BABAM2: variants seen among roughly 807,000 people sequenced by gnomAD.
BABAM2 encodes the protein BRISC and BRCA1-A complex member 2.
BABAM2 carries 31 observed loss-of-function variants against 54.7 expected under a neutral mutation model. The observed-to-expected ratio is 0.57, with a 90% CI of 0.43 to 0.77. BABAM2 has a LOEUF of 0.77. Among genes scored for constraint, BABAM2 ranks in the 30% least tolerant of loss-of-function variants. The probability of loss-of-function intolerance (pLI) is 0.00; values close to 1 mark genes in which losing one functional copy is unlikely to be tolerated. For missense variants in BABAM2, 364 were observed against 455.8 expected (o/e 0.80, Z 1.83); for synonymous variants, 167 against 162.9 (o/e 1.03, Z -0.19).
At position 28,033,756 on chromosome 2, in the gene BABAM2, A is replaced by G. The variant is rs906760427; in HGVS notation, c.495+8336A>G. On this transcript the variant is annotated intron_variant, in intron 5 of 11. Coordinates refer to ENST00000379624, the MANE Select transcript of BABAM2 (RefSeq NM_199191.3). Reference sequence around the variant, plus strand: ...TTTATTTTGATTTGTTTTGATTTCCAGAACTTAAAGTTGGCTTATCATACC... The same window carrying G: ...TTTATTTTGATTTGTTTTGATTTCCGGAACTTAAAGTTGGCTTATCATACC... 2.0e-5 allele frequency among the ~76,000 whole-genome samples: 3 copies of G among 152,124 alleles called. No individual in the cohort carries two copies. In the East Asian group the frequency reaches 5.8e-4, roughly 29 times the overall value.
At chr2:28,191,438 A>G (rs1676896086) in intron 7 of BABAM2, among the ~76,000 whole-genome samples, 1 of 152,240 alleles carries the variant, frequency 6.6e-6, no homozygotes, top group African/African-American at 2.4e-5. Context: ...AGACTTGCAG[A>G]TGAGTGTTCA....
chr2:28,132,767 A>G (rs1392622504), intron 7 of BABAM2, among the ~76,000 whole-genome samples: 1 of 152,278 alleles, frequency 6.6e-6, no homozygotes, highest in Admixed American at 6.5e-5. Flanking sequence ...CTTATAATCT[A>G]TATTTATATT....
chr2:27,988,455 A>G (rs1672557217), intron 4 of BABAM2, among the ~76,000 whole-genome samples: 1 of 151,856 alleles, frequency 6.6e-6, no homozygotes, highest in African/African-American at 2.4e-5. Flanking sequence ...TCGTTAGGAG[A>G]GTGTTTCTTG....
intron 6 of BABAM2, among the ~76,000 whole-genome samples, chr2:28,062,585 A>AC (rs914216047): frequency 2.0e-5 from 3 of 152,024 alleles, no homozygotes; most frequent in Non-Finnish European, 4.4e-5. Context: ...CAAAAAAAAA[A>AC]AAAACATATT....
At chr2:28,270,880 C>T (rs775916850) in intron 10 of BABAM2, among the ~76,000 whole-genome samples, 4 of 152,212 alleles carry the variant, frequency 2.6e-5, no homozygotes, top group Admixed American at 1.3e-4. Context: ...AGCTCTTTCT[C>T]TTCTGCCTTG....
chr2:28,093,863 C>T (rs754111764), intron 6 of BABAM2, among the ~76,000 whole-genome samples: 2 of 152,118 alleles, frequency 1.3e-5, no homozygotes, highest in African/African-American at 2.4e-5. Context: ...CAGACTTCAT[C>T]GTGAAATATT....
chr2:27,905,969 A>G (rs1666160569), intron 2 of BABAM2, among the ~76,000 whole-genome samples: 1 of 152,252 alleles, frequency 6.6e-6, no homozygotes, highest in Non-Finnish European at 1.5e-5. Context: ...ATAGAACTTA[A>G]GAGTTTTTAA....
intron 5 of BABAM2, among the ~76,000 whole-genome samples, chr2:28,036,218 C>T (rs947155231): frequency 6.6e-6 from 1 of 152,020 alleles, no homozygotes; most frequent in African/African-American, 2.4e-5. Flanking sequence ...GGTTTTAATG[C>T]CTTTTTTTCA....
At chr2:28,198,700 A>G (rs1378179000) in intron 7 of BABAM2, among the ~76,000 whole-genome samples, 2 of 152,144 alleles carry the variant, frequency 1.3e-5, no homozygotes, top group Admixed American at 6.5e-5. Flanking sequence ...ATTAGATCGT[A>G]TAGTTGGCCA....
chr2:28,137,918 A>G (rs933318261), intron 7 of BABAM2, among the ~76,000 whole-genome samples: 3 of 152,210 alleles, frequency 2.0e-5, no homozygotes, highest in Non-Finnish European at 4.4e-5. Context: ...GTCTAAAGCT[A>G]TAAGATATAC....
chr2:28,294,855 G>A (rs1312061626), intron 10 of BABAM2, among the ~76,000 whole-genome samples: 1 of 152,164 alleles, frequency 6.6e-6, no homozygotes, highest in Admixed American at 6.5e-5. Context: ...TACTCTGACT[G>A]TTCCTGCTCC....
intron 3 of BABAM2, among the ~76,000 whole-genome samples, chr2:27,931,303 T>A (rs1668077183): frequency 6.6e-6 from 1 of 152,182 alleles, no homozygotes; most frequent in South Asian, 2.1e-4. Flanking sequence ...GTACTGGAAT[T>A]TTTTGATACA....
Position 28,200,632 on chromosome 2 carries a change from CCAAT to C in BABAM2, c.681-36567_681-36564del, listed in dbSNP as rs1678161115. Among the ~76,000 whole-genome samples, 3 of 152,160 alleles carry C rather than the reference CCAAT, an allele frequency of 2.0e-5. No individual in the cohort carries two copies. The South Asian group carries it at 6.2e-4, about 32-fold the overall frequency. On this transcript the variant is annotated intron_variant, in intron 7 of 11. Transcript: ENST00000379624. ...TCTCTTGCTCCCTTGACTGAAACAG[CCAAT>C]CAGATTCAAGCAATAGATAGCATCC...
chr2:28,037,646 A>T (rs937303651), intron 5 of BABAM2, among the ~76,000 whole-genome samples: 2 of 152,228 alleles, frequency 1.3e-5, no homozygotes, highest in African/African-American at 4.8e-5. Flanking sequence ...CATAAAGTTT[A>T]TACAGGTTTA....
At chr2:27,982,240 T>C (rs1218981662) in intron 3 of BABAM2, among the ~76,000 whole-genome samples, 1 of 152,148 alleles carries the variant, frequency 6.6e-6, no homozygotes, top group Non-Finnish European at 1.5e-5. Context: ...GATTTCTTTG[T>C]TCTGGGTACA....
At chr2:27,908,187 C>G (rs1666320725) in intron 2 of BABAM2, among the ~76,000 whole-genome samples, 1 of 152,072 alleles carries the variant, frequency 6.6e-6, no homozygotes, top group African/African-American at 2.4e-5. Flanking sequence ...TTGTGTGATG[C>G]TGAGGTTTGG....
intron 6 of BABAM2, among the ~76,000 whole-genome samples, chr2:28,100,061 T>C (rs977110585): frequency 6.6e-6 from 1 of 152,202 alleles, no homozygotes; most frequent in Non-Finnish European, 1.5e-5. Flanking sequence ...TTTCTAATTT[T>C]GGTTTGATAT....
At chr2:28,047,906 C>G (rs887033045) in intron 6 of BABAM2, among the ~76,000 whole-genome samples, 3 of 152,174 alleles carry the variant, frequency 2.0e-5, no homozygotes, top group African/African-American at 7.2e-5. Flanking sequence ...ATCCAGAATA[C>G]TTGTTGAGGG....
At chr2:27,932,364 A>T (rs1252946744) in intron 3 of BABAM2, among the ~76,000 whole-genome samples, 1 of 152,170 alleles carries the variant, frequency 6.6e-6, no homozygotes, top group African/African-American at 2.4e-5. Flanking sequence ...TTCAAAAAAA[A>T]TGTTTTCTTC....
Sources: allele counts gnomAD v4.1 joint callset (sites outside exome capture counted in the v4.1 genomes callset), GRCh38; gene constraint gnomAD v4.1.1; transcripts MANE v1.5; gene names NCBI Gene and HGNC (gene_info 2026-07-23, HGNC 2026-07-21).